Variants in PTPN2 observed in about 807,000 individuals in gnomAD.
The protein encoded by PTPN2 is protein tyrosine phosphatase non-receptor type 2.
A neutral mutation model predicts 57.3 loss-of-function variants in PTPN2; 19 were observed. That is an observed-to-expected ratio of 0.33 (90% CI 0.23 to 0.49). The LOEUF (loss-of-function observed/expected upper bound fraction) is 0.49, where lower values mean the gene tolerates loss of function less well. Among genes scored for constraint, PTPN2 ranks in the 20% least tolerant of loss-of-function variants. The pLI is 0.99. For missense variants in PTPN2, 358 were observed against 501.1 expected, an observed-to-expected ratio of 0.71 and a Z score of 2.73; for synonymous variants, 153 against 164.9, an observed-to-expected ratio of 0.93 and a Z score of 0.55.
In PTPN2 at chr18:12,828,905, T is replaced by A. The variant is rs572791064; in HGVS notation, c.360+2038A>T. On this transcript the variant is annotated intron_variant, in intron 4 of 8. Transcript: ENST00000309660. ...CAGTCATTACAGACAGCAAAAAAAA[T>A]TTTTTTTTTTTGAGACAGGGTCTCG... 1.2e-3 allele frequency among the ~76,000 whole-genome samples: 168 copies of A among 145,600 alleles called. 1 individual carries two copies. The highest frequency in any genetic ancestry group is 3.2e-3 in the African/African-American group (124 of 39,006).
intron 7 of PTPN2, 65 bp downstream of exon 7, chr18:12,814,138 T>C: frequency 8.5e-7 from 1 of 1,176,698 alleles, no homozygotes; most frequent in Non-Finnish European, 1.2e-6. Context: ...TCAAGTGGAG[T>C]GCAGTTATTT....
At chr18:12,873,717 A>G (rs1007806216) in intron 1 of PTPN2, among the ~76,000 whole-genome samples, 4 of 151,990 alleles carry the variant, frequency 2.6e-5, no homozygotes, top group African/African-American at 9.7e-5. Context: ...CACCCCGTCT[A>G]GGAAGTGAGG....
chr18:12,873,620 C>T (rs1249136434), intron 1 of PTPN2, among the ~76,000 whole-genome samples: 1 of 152,136 alleles, frequency 6.6e-6, no homozygotes, highest in Non-Finnish European at 1.5e-5. Context: ...AGTGCAGTGG[C>T]GTGATCTCGG....
At chr18:12,837,140 T>G (rs893708317) in intron 2 of PTPN2, among the ~76,000 whole-genome samples, 1 of 152,178 alleles carries the variant, frequency 6.6e-6, no homozygotes, top group African/African-American at 2.4e-5. Context: ...CATTGTGACT[T>G]GAAAAATCGA....
At chr18:12,815,153 C>G (rs565860245) in intron 6 of PTPN2, among the ~76,000 whole-genome samples, 3 of 151,208 alleles carry the variant, frequency 2.0e-5, no homozygotes, top group Admixed American at 2.0e-4. Flanking sequence ...GTGGGTCACA[C>G]CTGTAATCCC....
chr18:12,880,688 T>C (rs2044639370), intron 1 of PTPN2: 2 of 152,426 alleles, frequency 1.3e-5, no homozygotes, highest in South Asian at 4.1e-4. Flanking sequence ...ACCAGTCTTT[T>C]TTGCAAGTTC....
At chr18:12,816,271 G>C (rs2042071315) in intron 6 of PTPN2, among the ~76,000 whole-genome samples, 1 of 152,160 alleles carries the variant, frequency 6.6e-6, no homozygotes, top group Non-Finnish European at 1.5e-5. Flanking sequence ...TTGTACTCCA[G>C]CCTGGGTGAC....
intron 9 of PTPN2, chr18:12,787,025 T>C (rs1455058225): frequency 3.3e-5 from 5 of 152,236 alleles, no homozygotes; most frequent in Non-Finnish European, 7.3e-5. Context: ...CATCCAGAAG[T>C]CTTTTTAAAA....
chr18:12,866,471 AC>A (rs2043998006), intron 1 of PTPN2, among the ~76,000 whole-genome samples: 3 of 146,592 alleles, frequency 2.0e-5, no homozygotes, highest in Non-Finnish European at 4.4e-5. Flanking sequence ...ACAAAACAAA[AC>A]AAAACAAAAA....
chr18:12,839,384 CA>C (rs1209482745), intron 2 of PTPN2: 1 of 152,190 alleles, frequency 6.6e-6, no homozygotes, highest in Non-Finnish European at 1.5e-5. Flanking sequence ...TGAGAACACA[CA>C]GAAAGGTACA....
downstream of PTPN2, among the ~76,000 whole-genome samples, chr18:12,791,722 C>T (rs1051269263): frequency 6.6e-6 from 1 of 152,208 alleles, no homozygotes; most frequent in Middle Eastern, 3.2e-3. Flanking sequence ...AGTGTACCAA[C>T]AAGTGTTCAT....
At chr18:12,860,913 C>CA (rs879811212) in intron 1 of PTPN2, among the ~76,000 whole-genome samples, 105 of 149,888 alleles carry the variant, frequency 7.0e-4, no homozygotes, top group Middle Eastern at 3.4e-3. Context: ...TAACAGAAAC[C>CA]AAAAAAAAAG....
chr18:12,866,174 C>T (rs1362298751), intron 1 of PTPN2, among the ~76,000 whole-genome samples: 1 of 152,214 alleles, frequency 6.6e-6, no homozygotes, highest in African/African-American at 2.4e-5. Context: ...CGCGGTGGCT[C>T]ACGCCTGTAA....
At chr18:12,883,996 G>A (rs1449319260) in intron 1 of PTPN2, 77 bp downstream of exon 1, 5 of 1,320,910 alleles carry the variant, frequency 3.8e-6, no homozygotes, top group Non-Finnish European at 5.2e-6. Flanking sequence ...CGGGGGAGGC[G>A]GGAGGGACCC....
rs539455394 is a variant in PTPN2, at chr18:12,803,696, G to A, written c.859-1545C>T. ...GGATGTAATGATTTTAAATATCTAT[G>A]CACACAACACTGGTGCACACAAATA... On this transcript the variant is annotated intron_variant, in intron 7 of 8. Coordinates refer to ENST00000309660, the MANE Select transcript of PTPN2 (RefSeq NM_002828.4). Among the ~76,000 whole-genome samples the A allele has an allele frequency of 1.8e-3, 273 of 152,264 alleles. 1 individual carries two copies. The highest frequency in any genetic ancestry group is 6.2e-3 in the African/African-American group (259 of 41,542).
At chr18:12,833,267 G>A (rs2042732835) in intron 3 of PTPN2, among the ~76,000 whole-genome samples, 2 of 152,116 alleles carry the variant, frequency 1.3e-5, no homozygotes, top group Non-Finnish European at 2.9e-5. Context: ...ATCTACAAAG[G>A]ACAATCAGAA....
At chr18:12,804,434 A>C (rs80087687) in intron 7 of PTPN2, among the ~76,000 whole-genome samples, 121 of 24,882 alleles carry the variant, frequency 4.9e-3, no homozygotes, top group Non-Finnish European at 0.011. Context: ...TAAAGTGACC[A>C]AAAAAAAGAA....
chr18:12,798,164 A>G (rs1176491938), intron 8 of PTPN2, among the ~76,000 whole-genome samples: 1 of 152,212 alleles, frequency 6.6e-6, no homozygotes, highest in Admixed American at 6.5e-5. Flanking sequence ...GTAACCTCAC[A>G]CACACACTTA....
intron 5 of PTPN2, among the ~76,000 whole-genome samples, chr18:12,822,056 T>G (rs1418839067): frequency 6.6e-6 from 1 of 152,116 alleles, no homozygotes; most frequent in Non-Finnish European, 1.5e-5. Context: ...AAAATTTAAA[T>G]TACTGAAAAA....
Sources: gnomAD v4.1 joint callset for allele counts (sites outside exome capture counted in the v4.1 genomes callset) on GRCh38, gnomAD v4.1.1 for gene constraint, MANE v1.5 for transcripts, NCBI Gene and HGNC (gene_info 2026-07-23, HGNC 2026-07-21) for gene names.